The following DBH variants were observed in gnomAD, a reference collection of about 807,000 sequenced individuals.
DBH encodes the protein dopamine beta-hydroxylase.
Under a neutral mutation model 64.0 loss-of-function variants are expected in DBH, and 49 were observed. The observed-to-expected ratio is 0.77, with a 90% CI of 0.61 to 0.97. The LOEUF is 0.97. DBH is among the 50% of genes least tolerant of loss of function. The probability of loss-of-function intolerance (pLI) is 0.00; values close to 1 mark genes in which losing one functional copy is unlikely to be tolerated. For synonymous variants in DBH, 343 were observed against 347.1 expected (o/e 0.99, Z 0.13); for missense variants, 828 against 826.6 (o/e 1.00, Z -0.02).
At position 133,653,024 on chromosome 9, in the gene DBH, C is replaced by T. The variant is rs778719089; in HGVS notation, c.1434+25C>T. 6.3e-6 allele frequency: 10 copies of T among 1,583,646 alleles called. No homozygotes were observed. In the South Asian group the frequency reaches 7.7e-5, roughly 12 times the overall value. ...GGTAAGTCACCCCCGCTTCCCCCTG[C>T]ACCTGCCCAGGGCGAGTGTTCAGCC... is the stretch of plus-strand genomic sequence containing the variant. On this transcript the variant is annotated intron_variant, in intron 9 of 11. Coordinates refer to ENST00000393056, the MANE Select transcript of DBH (RefSeq NM_000787.4).
At chr9:133,651,805 C>T (rs768594203) in intron 7 of DBH, 28 bp downstream of exon 7, 135 of 1,529,914 alleles carry the variant, frequency 8.8e-5, no homozygotes, top group African/African-American at 1.2e-4. Context: ...ACCCCTGCCC[C>T]GCCCCCACAC....
At chr9:133,653,656 GC>G (rs1832277994) in intron 9 of DBH, among the ~76,000 whole-genome samples, 2 of 152,286 alleles carry the variant, frequency 1.3e-5, no homozygotes, top group Admixed American at 1.3e-4. Context: ...TGGGGGTCAG[GC>G]AGGATGAGCG....
rs1447229451 is a variant in DBH, at chr9:133,651,679, A to C, written c.1237A>C (p.Thr413Pro). The change falls in exon 7 of 12, where the codon ACA becomes CCA. Residue 413 changes from threonine to proline, a missense_variant. Thr to Pro is a conservative substitution (Grantham distance 38). Transcript: ENST00000393056. The stretch of plus-strand genomic sequence containing the variant: ...CCACATCTTCGCCTCTCAGCTCCAC[A>C]CACACCTGACTGGGAGAAAGGTGGT... ...GIHIFASQLH[T>P]HLTGRKVVTV... is the part of the protein sequence containing the mutation. The C allele has an allele frequency of 6.2e-7, 1 of 1,613,850 alleles. No homozygotes were observed. The highest frequency in any genetic ancestry group is 1.1e-5 in the South Asian group (1 of 91,064).
chr9:133,652,897 CGCCAGGT>C, intron 8 of DBH, 36 bp from the exon 9 acceptor site: 1 of 1,530,680 alleles, frequency 6.5e-7, no homozygotes, highest in East Asian at 2.3e-5. Context: ...CACCTGCCAA[CGCCAGGT>C]GGCAGGTGCT....
chr9:133,648,564 T>C (rs1030736573), intron 6 of DBH, among the ~76,000 whole-genome samples: 2 of 152,252 alleles, frequency 1.3e-5, no homozygotes, highest in African/African-American at 2.4e-5. Flanking sequence ...TGCTGCATAG[T>C]ATTCCACAGG....
At chr9:133,644,430 C>T in intron 5 of DBH, 110 bp downstream of exon 5, 1 of 867,974 alleles carries the variant, frequency 1.2e-6, no homozygotes. Context: ...CGCTGTACAG[C>T]TCCTCTTGGC....
intron 10 of DBH, 30 bp from the exon 11 acceptor site, chr9:133,657,040 C>T: frequency 6.2e-7 from 1 of 1,613,366 alleles, no homozygotes; most frequent in Non-Finnish European, 8.5e-7. Context: ...TCAGCTGCTC[C>T]CCAGCCTGGC....
chr9:133,654,550 T>C (rs1438413703), intron 9 of DBH: 1 of 152,234 alleles, frequency 6.6e-6, no homozygotes, highest in Non-Finnish European at 1.5e-5. Flanking sequence ...ACAAGTGTCC[T>C]AGGTTCCTGA....
chr9:133,637,821 T>C (rs1588345794), intron 1 of DBH, among the ~76,000 whole-genome samples: 1 of 152,256 alleles, frequency 6.6e-6, no homozygotes, highest in African/African-American at 2.4e-5. Context: ...GCCACCCAGG[T>C]AGGGTGAGTG....
chr9:133,642,505 C>T, intron 3 of DBH, 41 bp downstream of exon 3: 1 of 1,568,020 alleles, frequency 6.4e-7, no homozygotes, highest in Non-Finnish European at 8.6e-7. Flanking sequence ...CCCAGCCCTG[C>T]CTTCCTCCCG....
intron 2 of DBH, among the ~76,000 whole-genome samples, chr9:133,642,000 C>T (rs751767299): frequency 3.9e-5 from 6 of 152,182 alleles, no homozygotes; most frequent in Non-Finnish European, 8.8e-5. Flanking sequence ...ATTTGATGGC[C>T]GGTGCAAATA....
chr9:133,658,214 T>G (rs1208565293), intron 11 of DBH, 102 bp from the exon 12 acceptor site: 1 of 1,511,926 alleles, frequency 6.6e-7, no homozygotes, highest in African/African-American at 1.4e-5. Context: ...ACAAGCTGAG[T>G]TTGAGGGCAA....
chr9:133,644,609 G>T (rs1386589825), intron 5 of DBH, among the ~76,000 whole-genome samples: 1 of 152,244 alleles, frequency 6.6e-6, no homozygotes, highest in African/African-American at 2.4e-5. Context: ...GCGCAGCACT[G>T]TGCATCCCAG....
In DBH at chr9:133,643,420, C is replaced by T. The variant is rs1443584272; in HGVS notation, c.752C>T (p.Pro251Leu). The change falls in exon 4 of 12, where the codon CCC becomes CTC. Residue 251 changes from proline (P) to leucine (L), a missense_variant. By Grantham distance (98) the Pro-to-Leu change is moderately conservative. Coordinates refer to ENST00000393056, the MANE Select transcript of DBH (RefSeq NM_000787.4). The surrounding 1 kb of genome is among the most constrained non-coding windows in gnomAD (Gnocchi z 5.3). ...FSRHHIIKYE[P>L]IVTKGNEALV... Reference sequence around the variant, plus strand: ...AGGGCTGCCTCCTCACAGTACGAGCCCATCGTCACCAAGGGCAATGAGGCC... The same window carrying T: ...AGGGCTGCCTCCTCACAGTACGAGCTCATCGTCACCAAGGGCAATGAGGCC... 1.9e-6 allele frequency: 3 copies of T among 1,613,858 alleles called. No individual in the cohort carries two copies. Among genetic ancestry groups the T allele is most frequent in the Admixed American group, 1.7e-5 (1 of 60,018 alleles).
At chr9:133,638,292 C>A (rs1484276611) in intron 1 of DBH, among the ~76,000 whole-genome samples, 3 of 152,248 alleles carry the variant, frequency 2.0e-5, no homozygotes, top group African/African-American at 7.2e-5. Flanking sequence ...TCTCGGCAAA[C>A]CAGCGGTGTC....
chr9:133,641,185 G>A (rs182558729), intron 2 of DBH, among the ~76,000 whole-genome samples: 6 of 152,320 alleles, frequency 3.9e-5, no homozygotes, highest in South Asian at 4.1e-4. Flanking sequence ...AGACAAATAC[G>A]GAATCTAAGA....
intron 9 of DBH, among the ~76,000 whole-genome samples, chr9:133,653,218 G>C (rs1326073398): frequency 6.6e-6 from 1 of 152,168 alleles, no homozygotes; most frequent in African/African-American, 2.4e-5. Context: ...CTGAGTCAGA[G>C]ACACAGGCGG....
rs1207528772 is a variant in DBH at position 133,647,849 on chromosome 9, GA to G, written c.1031del (p.Asn344ThrfsTer31). On this transcript the variant is annotated frameshift_variant, in exon 6 of 12. Transcript: ENST00000393056. LOFTEE classifies it high-confidence loss of function. ...CATCCATCCCACCTTCTCCCAGGAC[GA>G]AACGACTCCTCAGGCATCCGCTTGT... is the stretch of plus-strand genomic sequence containing the variant. ...HYHNPLVIEG[R>X]NDSSGIRLYY... 2 of 1,614,160 alleles carry G rather than the reference GA, an allele frequency of 1.2e-6. No individual in the cohort carries two copies. Among genetic ancestry groups the G allele is most frequent in the East Asian group, 4.5e-5 (2 of 44,868 alleles).
Position 133,640,109 on chromosome 9 carries a change from C to T in DBH, c.486+117C>T, listed in dbSNP as rs71505219. 4,418 of 1,374,160 alleles carry T rather than the reference C, an allele frequency of 3.2e-3. 24 individuals carry two copies. The highest frequency in any genetic ancestry group is 2.8e-3 in the Non-Finnish European group (2,802 of 989,172). The allele number at this position is 1,374,160 out of a possible 1,614,324, so 85.1% of individuals were successfully genotyped here. A position where few individuals can be genotyped will look rare whatever the true frequency, so the allele number is the denominator to read the frequency against. On this transcript the variant is annotated intron_variant, in intron 2 of 11. Transcript: ENST00000393056. ...GATAAGTCTGGGGCCTGGGCCTGGC[C>T]AGCTATGACAGAGAGAAAGCCAAGG...
Sources: allele counts gnomAD v4.1 joint callset (sites outside exome capture counted in the v4.1 genomes callset), GRCh38; gene constraint gnomAD v4.1.1; non-coding constraint Gnocchi (gnomAD v3.1); transcripts MANE v1.5; gene names NCBI Gene and HGNC (gene_info 2026-07-23, HGNC 2026-07-21).